The following FAM83G variants were observed in gnomAD, a reference collection of about 807,000 sequenced individuals.
The protein encoded by FAM83G is scaffolding CK1 anchoring protein G.
Under a neutral mutation model 61.5 loss-of-function variants are expected in FAM83G, and 38 were observed. The observed-to-expected ratio is 0.62, with a 90% CI of 0.48 to 0.81. FAM83G has a LOEUF of 0.81. FAM83G is among the 30% of genes least tolerant of loss of function. The probability of loss-of-function intolerance (pLI) is 0.00; values close to 1 mark genes in which losing one functional copy is unlikely to be tolerated. For missense variants in FAM83G, 989 were observed against 1,133.6 expected (o/e 0.87, Z 1.83); for synonymous variants, 470 against 476.1 (o/e 0.99, Z 0.17).
intron 4 of FAM83G, 198 bp from the exon 5 acceptor site, chr17:18,979,048 T>G: frequency 1.6e-6 from 1 of 614,666 alleles, no homozygotes; most frequent in Non-Finnish European, 2.8e-6. Flanking sequence ...ACCAAGCCCA[T>G]TCCCACCTCT....
At chr17:18,987,572 T>C (rs1307509251) in intron 3 of FAM83G, among the ~76,000 whole-genome samples, 1 of 151,626 alleles carries the variant, frequency 6.6e-6, no homozygotes, top group Non-Finnish European at 1.5e-5. Flanking sequence ...AGAAGGGAGG[T>C]GACATGCCCA....
chr17:18,974,112 C>T (rs1036010554), intron 5 of FAM83G, among the ~76,000 whole-genome samples: 4 of 151,802 alleles, frequency 2.6e-5, no homozygotes, highest in Non-Finnish European at 5.9e-5. Flanking sequence ...AGGCTGGTCT[C>T]GAACTCCTGA....
chr17:18,984,734 C>G (rs2043226658), intron 3 of FAM83G, among the ~76,000 whole-genome samples: 1 of 152,252 alleles, frequency 6.6e-6, no homozygotes, highest in Admixed American at 6.5e-5. Flanking sequence ...GAGCATCCCT[C>G]CACACCCAGT....
At chr17:19,001,705 G>A (rs1445015748) in intron 2 of FAM83G, among the ~76,000 whole-genome samples, 1 of 152,228 alleles carries the variant, frequency 6.6e-6, no homozygotes, top group East Asian at 1.9e-4. Context: ...GTACGGAGTG[G>A]CTGGGTCACA....
chr17:19,004,310 C>T lies in FAM83G; in HGVS notation c.-128-141G>A. 1 of 451,246 alleles carries T rather than the reference C, an allele frequency of 2.2e-6. No individual in the cohort carries two copies. Among genetic ancestry groups the T allele is most frequent in the Non-Finnish European group, 3.9e-6 (1 of 254,144 alleles). The allele number at this position is 451,246 out of a possible 1,614,324, so 28.0% of individuals were successfully genotyped here. A position where few individuals can be genotyped will look rare whatever the true frequency, so the allele number is the denominator to read the frequency against. On this transcript the variant is annotated intron_variant, in intron 1 of 5. Coordinates refer to ENST00000388995, the MANE Select transcript of FAM83G (RefSeq NM_001039999.3). The surrounding 1 kb of genome is among the most constrained non-coding windows in gnomAD (Gnocchi z 5.4). The stretch of plus-strand genomic sequence containing the variant: ...GGGCTGGGAAGATGAGGTGGGGGCA[C>T]TGGACTGGGATGGGAAGAAAGTAAG...
chr17:18,971,649 G>A lies in FAM83G; in HGVS notation c.2182C>T (p.Gln728Ter), dbSNP rs2042857935. 6.2e-7 allele frequency: 1 copy of A among 1,613,408 alleles called. No homozygotes were observed. The highest frequency in any genetic ancestry group is 8.5e-7 in the Non-Finnish European group (1 of 1,179,924). The change falls in exon 6 of 6, where the codon CAG becomes TAG. Residue 728 changes from glutamine (Q) to a stop codon, truncating the protein, a stop_gained. Transcript: ENST00000388995. LOFTEE classifies it high-confidence loss of function. The surrounding 1 kb of genome is among the most constrained non-coding windows in gnomAD (Gnocchi z 5.5). ...GGGCCAGCGTTTCTGGTAGAGCTCT[G>A]GACGCTGTCAGCAGCAGAGCGGTAC... ...PRYRSAADSV[Q>*]SSTRNAGPAM...
chr17:18,980,618 C>T (rs1276802720), intron 3 of FAM83G, among the ~76,000 whole-genome samples: 3 of 152,164 alleles, frequency 2.0e-5, no homozygotes, highest in Non-Finnish European at 4.4e-5. Flanking sequence ...GCAGGACCTG[C>T]TGTGAGGGAG....
At chr17:18,979,758 C>T in intron 3 of FAM83G, 85 bp from the exon 4 acceptor site, 2 of 1,509,174 alleles carry the variant, frequency 1.3e-6, no homozygotes, top group Non-Finnish European at 1.8e-6. Context: ...GCCCAGGGCT[C>T]AGAGGGGACT....
rs371848191 is a variant in FAM83G, at chr17:18,988,292, G to A, written c.645C>T (p.Phe215=). 60 of 1,614,070 alleles carry A rather than the reference G, an allele frequency of 3.7e-5. No individual in the cohort carries two copies. In the African/African-American group the frequency reaches 6.8e-4, roughly 18 times the overall value. ...TGCAGGCCCGCTCACACATGTGCAG[G>A]AAGTACTTGACGTTACTCTCATCCA... ...IIVDESNVKY[F]LHMCERACMH... is the part of the protein sequence containing the mutation. Residue 215 remains phenylalanine, a synonymous_variant, in exon 3 of 6, where the codon TTC becomes TTT. Coordinates refer to ENST00000388995, the MANE Select transcript of FAM83G (RefSeq NM_001039999.3).
rs1371135800 is a variant in FAM83G, at chr17:18,996,395, A to C, written c.522+7125T>G. The stretch of plus-strand genomic sequence containing the variant: ...TCCCCTCCAGGGGGCTGGCAGAATT[A>C]GTGACATGCCATCTGAAGAGGCCCA... On this transcript the variant is annotated intron_variant, in intron 2 of 5. Coordinates refer to ENST00000388995, the MANE Select transcript of FAM83G (RefSeq NM_001039999.3). The surrounding 1 kb of genome is among the most constrained non-coding windows in gnomAD (Gnocchi z 4.4). Among the ~76,000 whole-genome samples, 1 of 151,972 alleles carries C rather than the reference A, an allele frequency of 6.6e-6. No homozygotes were observed. The highest frequency in any genetic ancestry group is 1.5e-5 in the Non-Finnish European group (1 of 67,996).
In FAM83G at chr17:18,978,550, C is replaced by T; in HGVS notation, c.1116G>A (p.Lys372=). ...GCGCTGGGCCTTTCAGCCCCAGGGGCTTCTTGGCCTCCTGCTTCTCAGAGG... is the reference window on the plus strand; with the variant it reads ...GCGCTGGGCCTTTCAGCCCCAGGGGTTTCTTGGCCTCCTGCTTCTCAGAGG... The part of the protein sequence containing the change: ...KISSEKQEAK[K]PLGLKGPALA... Residue 372 remains lysine, a synonymous_variant, in exon 5 of 6, where the codon AAG becomes AAA. Coordinates refer to ENST00000388995, the MANE Select transcript of FAM83G (RefSeq NM_001039999.3). 6.2e-7 allele frequency: 1 copy of T among 1,613,298 alleles called. No homozygotes were observed. The highest frequency in any genetic ancestry group is 2.2e-5 in the East Asian group (1 of 44,878).
intron 3 of FAM83G, among the ~76,000 whole-genome samples, chr17:18,982,875 C>T (rs1355822773): frequency 6.6e-6 from 1 of 152,238 alleles, no homozygotes; most frequent in Non-Finnish European, 1.5e-5. Flanking sequence ...CCTTTCTTTC[C>T]ACGCCTCAGT....
chr17:18,985,356 C>T (rs922885830), intron 3 of FAM83G, among the ~76,000 whole-genome samples: 1 of 152,200 alleles, frequency 6.6e-6, no homozygotes, highest in African/African-American at 2.4e-5. Flanking sequence ...AGCTGGGGCT[C>T]AGGACTGGCT....
intron 2 of FAM83G, among the ~76,000 whole-genome samples, chr17:18,994,108 A>C (rs1481871280): frequency 6.6e-6 from 1 of 152,234 alleles, no homozygotes; most frequent in Non-Finnish European, 1.5e-5. Context: ...AGACTGTCTT[A>C]AAGGTTGAGG....
chr17:18,982,583 G>T (rs370200262), intron 3 of FAM83G, among the ~76,000 whole-genome samples: 6 of 152,336 alleles, frequency 3.9e-5, no homozygotes, highest in South Asian at 4.1e-4. Flanking sequence ...GCGAGTCAGG[G>T]CAGGGGAGGA....
chr17:18,984,579 G>C (rs958646403), intron 3 of FAM83G, among the ~76,000 whole-genome samples: 1 of 152,226 alleles, frequency 6.6e-6, no homozygotes, highest in Non-Finnish European at 1.5e-5. Flanking sequence ...AACGGGAAAC[G>C]GGTCTGGCCT....
rs763298260 is a variant in FAM83G, at chr17:18,977,784, G to A, written c.1882C>T (p.Pro628Ser). Residue 628 changes from proline (P) to serine (S), a missense_variant, in exon 5 of 6, where the codon CCT becomes TCT. By Grantham distance (74) the Pro-to-Ser change is moderately conservative (BLOSUM62 -1). Coordinates refer to ENST00000388995, the MANE Select transcript of FAM83G (RefSeq NM_001039999.3). Reference sequence around the variant, plus strand: ...TGCTCTGAGTGGCGCCTCCGGAGAGGGACTGAGTGCTCTCTCACCTCGAAG... The same window carrying A: ...TGCTCTGAGTGGCGCCTCCGGAGAGAGACTGAGTGCTCTCTCACCTCGAAG... ...EYFEVREHSVPLRRRHSEQVA... is the reference protein window; with the variant it reads ...EYFEVREHSVSLRRRHSEQVA... 3.7e-6 allele frequency: 6 copies of A among 1,602,556 alleles called. No individual in the cohort carries two copies. In the East Asian group the frequency reaches 1.3e-4, roughly 36 times the overall value.
At position 18,971,881 on chromosome 17, in the gene FAM83G, G is replaced by A. The variant is rs2042865500; in HGVS notation, c.2083-133C>T. On this transcript the variant is annotated intron_variant, in intron 5 of 5. Transcript: ENST00000388995. The surrounding 1 kb of genome is among the most constrained non-coding windows in gnomAD (Gnocchi z 5.5). Reference sequence around the variant, plus strand: ...TGGCTCTGCCATTCACCAGGGAGTGGGCCTAGACCAGTTGGTTTAGTCACT... The same window carrying A: ...TGGCTCTGCCATTCACCAGGGAGTGAGCCTAGACCAGTTGGTTTAGTCACT... 4 of 916,460 alleles carry A rather than the reference G, an allele frequency of 4.4e-6. No individual in the cohort carries two copies. The highest frequency in any genetic ancestry group is 2.7e-5 in the East Asian group (1 of 37,596). The allele number at this position is 916,460 out of a possible 1,614,324, so 56.8% of individuals were successfully genotyped here. A position where few individuals can be genotyped will look rare whatever the true frequency, so the allele number is the denominator to read the frequency against.
In FAM83G at chr17:19,003,243, C is replaced by G. The variant is rs2043777625; in HGVS notation, c.522+277G>C. On this transcript the variant is annotated intron_variant, in intron 2 of 5. Transcript: ENST00000388995. The surrounding 1 kb of genome is among the most constrained non-coding windows in gnomAD (Gnocchi z 4.5). The stretch of plus-strand genomic sequence containing the variant: ...CTCCACCCTATCTCGGTGCCTTCTT[C>G]TGGGGAACCAGAAACACCCTCCAAC... Among the ~76,000 whole-genome samples the G allele has an allele frequency of 6.6e-6, 1 of 151,304 alleles. No homozygotes were observed. The highest frequency in any genetic ancestry group is 2.4e-5 in the African/African-American group (1 of 41,196).
Sources: allele counts gnomAD v4.1 joint callset (sites outside exome capture counted in the v4.1 genomes callset), GRCh38; gene constraint gnomAD v4.1.1; non-coding constraint Gnocchi (gnomAD v3.1); transcripts MANE v1.5; gene names NCBI Gene and HGNC (gene_info 2026-07-23, HGNC 2026-07-21).